GALNT13: variants seen among roughly 807,000 people sequenced by gnomAD.
GALNT13 encodes the protein UDP-GalNAc:polypeptide N-acetylgalactosaminyltransferase 13.
GALNT13 carries 28 observed loss-of-function variants against 64.2 expected under a neutral mutation model. The ratio of observed to expected loss-of-function variants is 0.44; its 90% CI spans 0.32 to 0.60. The LOEUF is 0.60. Ranked by LOEUF, GALNT13 falls within the 20% of genes least tolerant of loss-of-function variation. GALNT13 has a pLI of 0.05. For synonymous variants in GALNT13, 214 were observed against 224.6 expected, an observed-to-expected ratio of 0.95 and a Z score of 0.42; for missense variants, 577 against 669.8, an observed-to-expected ratio of 0.86 and a Z score of 1.53.
the GALNT13 span, among the ~76,000 whole-genome samples, chr2:153,094,069 T>C: frequency 2.6e-5 from 4 of 152,286 alleles, no homozygotes; most frequent in African/African-American, 9.6e-5. Context: ...CATCTCTCTC[T>C]GTTTTTCTTA....
At chr2:153,855,045 A>T in the GALNT13 span, among the ~76,000 whole-genome samples, 1 of 152,172 alleles carries the variant, frequency 6.6e-6, no homozygotes, top group Non-Finnish European at 1.5e-5. Context: ...GATTTCACAA[A>T]CAAGCCTACT....
At chr2:154,376,407 T>A (rs1349920025) in intron 9 of GALNT13, among the ~76,000 whole-genome samples, 1 of 152,160 alleles carries the variant, frequency 6.6e-6, no homozygotes, top group Non-Finnish European at 1.5e-5. Context: ...CTAAATCATG[T>A]AATCTTTGTT....
At chr2:154,118,703 A>C (rs1558968239) in intron 3 of GALNT13, among the ~76,000 whole-genome samples, 1 of 151,332 alleles carries the variant, frequency 6.6e-6, no homozygotes, top group African/African-American at 2.4e-5. Flanking sequence ...AATTCATTCT[A>C]CTTTTTTTGT....
At chr2:153,725,572 A>T in the GALNT13 span, among the ~76,000 whole-genome samples, 1 of 151,998 alleles carries the variant, frequency 6.6e-6, no homozygotes, top group Non-Finnish European at 1.5e-5. Flanking sequence ...AAGCTTTTAA[A>T]TGATAAATGG....
intron 11 of GALNT13, among the ~76,000 whole-genome samples, chr2:154,429,044 G>A (rs556806994): frequency 1.3e-4 from 20 of 152,020 alleles, no homozygotes; most frequent in Admixed American, 1.2e-3. Flanking sequence ...CCTATCTCTC[G>A]CTCCACAGAC....
chr2:153,644,924 A>G, the GALNT13 span, among the ~76,000 whole-genome samples: 1 of 152,128 alleles, frequency 6.6e-6, no homozygotes, highest in Admixed American at 6.6e-5. Context: ...ATCTGTCAGT[A>G]TGATATCCTA....
the GALNT13 span, among the ~76,000 whole-genome samples, chr2:153,432,643 C>T: frequency 6.6e-6 from 1 of 152,020 alleles, no homozygotes; most frequent in African/African-American, 2.4e-5. Context: ...GCTTGTCATC[C>T]ACCTGATCTA....
the GALNT13 span, among the ~76,000 whole-genome samples, chr2:153,112,893 C>A: frequency 6.6e-6 from 1 of 151,990 alleles, no homozygotes; most frequent in African/African-American, 2.4e-5. Flanking sequence ...CAATAGAGAA[C>A]AAGTTGTCAA....
chr2:153,959,840 G>T (rs1692818964), intron 3 of GALNT13, among the ~76,000 whole-genome samples: 1 of 152,104 alleles, frequency 6.6e-6, no homozygotes, highest in South Asian at 2.1e-4. Flanking sequence ...CCCACCAATG[G>T]ACTTTACTGC....
At chr2:154,167,651 AGT>A (rs919747970) in intron 4 of GALNT13, among the ~76,000 whole-genome samples, 94 of 152,338 alleles carry the variant, frequency 6.2e-4, no homozygotes, top group African/African-American at 2.2e-3. Context: ...GGCAATGGTC[AGT>A]GTGAGTAGAG....
At position 153,966,519 on chromosome 2, in the gene GALNT13, A is replaced by T. The variant is rs533700692; in HGVS notation, c.142+21880A>T. ...TAGCTGGGACTACAGGCGCCCGCCA[A>T]AACGCCTGGCTAATTTTTTTTTGTA... is the stretch of plus-strand genomic sequence containing the variant. On this transcript the variant is annotated intron_variant, in intron 3 of 12. Coordinates refer to ENST00000392825, the MANE Select transcript of GALNT13 (RefSeq NM_052917.4). Among the ~76,000 whole-genome samples, 411 of 151,738 alleles carry T rather than the reference A, an allele frequency of 2.7e-3. 1 individual carries two copies. The highest frequency in any genetic ancestry group is 9.4e-3 in the African/African-American group (388 of 41,402).
intron 4 of GALNT13, among the ~76,000 whole-genome samples, chr2:154,188,785 A>G (rs1226827347): frequency 6.6e-6 from 1 of 152,128 alleles, no homozygotes; most frequent in Non-Finnish European, 1.5e-5. Flanking sequence ...TCATTCTTAA[A>G]GTACAAAGCA....
chr2:154,261,649 C>G (rs746000142), intron 8 of GALNT13, among the ~76,000 whole-genome samples: 1 of 152,148 alleles, frequency 6.6e-6, no homozygotes, highest in Admixed American at 6.6e-5. Context: ...TTTCCAGGTG[C>G]TGACTTTACA....
intron 4 of GALNT13, among the ~76,000 whole-genome samples, chr2:154,141,467 G>A (rs2105582869): frequency 6.6e-6 from 1 of 151,754 alleles, no homozygotes; most frequent in Admixed American, 6.6e-5. Flanking sequence ...CATTTTTAAT[G>A]TGATTTTCAA....
chr2:153,465,369 C>T, the GALNT13 span, among the ~76,000 whole-genome samples: 1 of 151,858 alleles, frequency 6.6e-6, no homozygotes, highest in African/African-American at 2.4e-5. Context: ...GCTAAAATTA[C>T]AGACTTGGAT....
At chr2:153,453,277 ATTAAC>A in the GALNT13 span, among the ~76,000 whole-genome samples, 1 of 152,206 alleles carries the variant, frequency 6.6e-6, no homozygotes, top group Non-Finnish European at 1.5e-5. Flanking sequence ...GTGGAATCTA[ATTAAC>A]TTAAAGAGCT....
the GALNT13 span, among the ~76,000 whole-genome samples, chr2:153,382,172 T>C: frequency 6.6e-6 from 1 of 152,068 alleles, no homozygotes; most frequent in Non-Finnish European, 1.5e-5. Flanking sequence ...CAGAGCTTCT[T>C]TATGTTATCT....
chr2:153,754,986 T>C, the GALNT13 span, among the ~76,000 whole-genome samples: 17 of 152,248 alleles, frequency 1.1e-4, no homozygotes, highest in Admixed American at 3.3e-4. Flanking sequence ...AGCACTGTGT[T>C]CAATGCCTCA....
chr2:153,386,383 G>C, the GALNT13 span, among the ~76,000 whole-genome samples: 2 of 152,154 alleles, frequency 1.3e-5, no homozygotes, highest in East Asian at 3.9e-4. Flanking sequence ...GCATCATCTT[G>C]AGAGTCATCA....
Sources: gnomAD v4.1 joint callset for allele counts (sites outside exome capture counted in the v4.1 genomes callset) on GRCh38, gnomAD v4.1.1 for gene constraint, MANE v1.5 for transcripts, NCBI Gene and HGNC (gene_info 2026-07-23, HGNC 2026-07-21) for gene names.